The following NCALD variants were observed in gnomAD, a reference collection of about 807,000 sequenced individuals.
NCALD encodes neurocalcin delta.
A neutral mutation model predicts 18.6 loss-of-function variants in NCALD; 10 were observed. The observed-to-expected ratio is 0.54, with a 90% CI of 0.33 to 0.91. The LOEUF (loss-of-function observed/expected upper bound fraction) is 0.91. Ranked by LOEUF, NCALD falls within the 40% of genes least tolerant of loss-of-function variation. The probability of loss-of-function intolerance (pLI) is 0.03; values close to 1 mark genes in which losing one functional copy is unlikely to be tolerated. For missense variants in NCALD, 184 were observed against 247.6 expected, an observed-to-expected ratio of 0.74 and a Z score of 1.72; for synonymous variants, 88 against 87.4, an observed-to-expected ratio of 1.01 and a Z score of -0.04.
chr8:101,978,822 A>G (rs115254057), intron 2 of NCALD, among the ~76,000 whole-genome samples: 2,568 of 152,334 alleles, frequency 0.017, 80 homozygotes, highest in African/African-American at 0.057. Flanking sequence ...GAAAGCAAGA[A>G]ACGAAGAAAG....
chr8:102,023,921 T>C (rs559637082), intron 1 of NCALD, among the ~76,000 whole-genome samples: 1 of 152,290 alleles, frequency 6.6e-6, no homozygotes, highest in East Asian at 1.9e-4. Flanking sequence ...ATAAAAGGAA[T>C]TCTCCTAAGT....
chr8:101,918,181 T>A (rs1308612372), intron 2 of NCALD, among the ~76,000 whole-genome samples: 1 of 152,136 alleles, frequency 6.6e-6, no homozygotes, highest in Non-Finnish European at 1.5e-5. Context: ...ATTCAACACA[T>A]GCAAATCAAT....
chr8:102,116,329 C>G (rs1006369011), intron 1 of NCALD, among the ~76,000 whole-genome samples: 1 of 152,184 alleles, frequency 6.6e-6, no homozygotes. Flanking sequence ...AGAATCCAGA[C>G]AGTAAATCAA....
intron 1 of NCALD, among the ~76,000 whole-genome samples, chr8:101,786,285 G>A (rs1355401608): frequency 6.6e-6 from 1 of 152,178 alleles, no homozygotes; most frequent in Non-Finnish European, 1.5e-5. Flanking sequence ...GGTCCATAAA[G>A]GCCCTTGGGT....
chr8:102,119,328 A>G (rs1825878814), intron 1 of NCALD, among the ~76,000 whole-genome samples: 1 of 152,238 alleles, frequency 6.6e-6, no homozygotes, highest in South Asian at 2.1e-4. Context: ...CACAAAAAAG[A>G]CAAATACCTT....
chr8:102,038,763 T>C (rs765185636), intron 1 of NCALD, among the ~76,000 whole-genome samples: 1 of 152,108 alleles, frequency 6.6e-6, no homozygotes, highest in Non-Finnish European at 1.5e-5. Flanking sequence ...GAGGTACACA[T>C]CATATATCAT....
intron 2 of NCALD, among the ~76,000 whole-genome samples, chr8:101,714,913 C>T (rs564582086): frequency 1.0e-4 from 15 of 150,458 alleles, no homozygotes; most frequent in Non-Finnish European, 2.2e-4. Flanking sequence ...AGGAGAATGG[C>T]GTGAACCCGG....
At chr8:101,925,383 G>A (rs562650566) in intron 2 of NCALD, among the ~76,000 whole-genome samples, 25 of 151,962 alleles carry the variant, frequency 1.6e-4, no homozygotes, top group African/African-American at 5.8e-4. Flanking sequence ...GAAGGCAGAA[G>A]CCAGCTAGTG....
chr8:102,056,482 A>T (rs1159431504), intron 1 of NCALD, among the ~76,000 whole-genome samples: 1 of 152,254 alleles, frequency 6.6e-6, no homozygotes, highest in Non-Finnish European at 1.5e-5. Context: ...ACATGCAGTC[A>T]GTGTATTTTT....
At chr8:102,123,914 C>T (rs1023301078) in intron 1 of NCALD, 145 of 153,020 alleles carry the variant, frequency 9.5e-4, no homozygotes, top group African/African-American at 3.4e-3. Flanking sequence ...CCCCATCCCG[C>T]CGGCCCCACG....
intron 4 of NCALD, among the ~76,000 whole-genome samples, chr8:101,816,129 G>C (rs1813485589): frequency 6.6e-6 from 1 of 152,142 alleles, no homozygotes. Flanking sequence ...GTGGTTTCCA[G>C]AGGGTCAGAG....
At chr8:102,013,428 A>G (rs1448304919) in intron 2 of NCALD, among the ~76,000 whole-genome samples, 1 of 152,188 alleles carries the variant, frequency 6.6e-6, no homozygotes, top group African/African-American at 2.4e-5. Context: ...CTCCATCCAT[A>G]GCAAGCCCAG....
At chr8:101,948,060 T>C (rs1819246691) in intron 2 of NCALD, among the ~76,000 whole-genome samples, 1 of 152,242 alleles carries the variant, frequency 6.6e-6, no homozygotes, top group Non-Finnish European at 1.5e-5. Flanking sequence ...CTAAGGTCAT[T>C]AGGAGTCCTT....
At chr8:101,995,374 T>C (rs1821199724) in intron 2 of NCALD, among the ~76,000 whole-genome samples, 1 of 152,194 alleles carries the variant, frequency 6.6e-6, no homozygotes, top group South Asian at 2.1e-4. Flanking sequence ...CTTGCACTGA[T>C]ATAAAGAAAT....
chr8:102,103,435 G>A (rs757664284), intron 1 of NCALD, among the ~76,000 whole-genome samples: 125 of 152,300 alleles, frequency 8.2e-4, no homozygotes, highest in Non-Finnish European at 1.5e-3. Context: ...TAGAGATAAA[G>A]GCTCAGGAGG....
chr8:101,705,939 G>A (rs1815499315), intron 2 of NCALD, among the ~76,000 whole-genome samples: 2 of 152,170 alleles, frequency 1.3e-5, no homozygotes, highest in African/African-American at 4.8e-5. Context: ...TTTTGTGTTG[G>A]TTTCAATATG....
chr8:101,742,531 C>T (rs1471607278), intron 1 of NCALD, among the ~76,000 whole-genome samples: 3 of 152,114 alleles, frequency 2.0e-5, no homozygotes, highest in Non-Finnish European at 4.4e-5. Context: ...AATAAAAGAA[C>T]ATAGAAGCAC....
intron 2 of NCALD, among the ~76,000 whole-genome samples, chr8:101,965,638 T>G (rs1819997212): frequency 6.6e-6 from 1 of 152,008 alleles, no homozygotes; most frequent in Non-Finnish European, 1.5e-5. Flanking sequence ...AGGGGAGGGA[T>G]AGCATTAGGA....
chr8:101,728,624 T>C (rs988578524), intron 1 of NCALD, among the ~76,000 whole-genome samples: 4 of 152,210 alleles, frequency 2.6e-5, no homozygotes, highest in Non-Finnish European at 4.4e-5. Context: ...ATCGAGACCA[T>C]CCTGGCTAAC....
Sources: gnomAD v4.1 joint callset for allele counts (sites outside exome capture counted in the v4.1 genomes callset) on GRCh38, gnomAD v4.1.1 for gene constraint, MANE v1.5 for transcripts, NCBI Gene and HGNC (gene_info 2026-07-23, HGNC 2026-07-21) for gene names.